The following SLC6A11 variants were observed in gnomAD, a reference collection of about 807,000 sequenced individuals.
SLC6A11 encodes solute carrier family 6 member 11.
Under a neutral mutation model 74.8 loss-of-function variants are expected in SLC6A11, and 25 were observed. That is an observed-to-expected ratio of 0.33 (90% confidence interval 0.24 to 0.47). The LOEUF (loss-of-function observed/expected upper bound fraction) is 0.47. Ranked by LOEUF, SLC6A11 falls within the 20% of genes least tolerant of loss-of-function variation. SLC6A11 has a pLI of 1.00. For missense variants in SLC6A11, 574 were observed against 837.0 expected, an observed-to-expected ratio of 0.69 and a Z score of 3.88; for synonymous variants, 330 against 330.2, an observed-to-expected ratio of 1.00 and a Z score of 0.01.
At chr3:10,819,650 T>C (rs1239504104) in intron 2 of SLC6A11, 51 bp downstream of exon 2, 1 of 1,610,218 alleles carries the variant, frequency 6.2e-7, no homozygotes, top group Non-Finnish European at 8.5e-7. Context: ...GAATGTCAAC[T>C]GCAAAGGCAG....
Position 10,931,129 on chromosome 3 carries a change from C to T in SLC6A11, c.1371+1790C>T, listed in dbSNP as rs146460325. 1.4e-4 allele frequency among the ~76,000 whole-genome samples: 21 copies of T among 152,350 alleles called. No individual in the cohort carries two copies. In the East Asian group the frequency reaches 4.1e-3, roughly 29 times the overall value. ...TGAGTGGTTGAGAGCATGGGCTTTG[C>T]AGACAGATGACCTGGGTTCAATCCT... On this transcript the variant is annotated intron_variant, in intron 10 of 13. Coordinates refer to ENST00000254488, the MANE Select transcript of SLC6A11 (RefSeq NM_014229.3).
intron 5 of SLC6A11, among the ~76,000 whole-genome samples, chr3:10,857,342 A>C (rs1320940269): frequency 6.6e-6 from 1 of 152,158 alleles, no homozygotes; most frequent in Non-Finnish European, 1.5e-5. Context: ...GCCAGACTTC[A>C]GAGTAGGGGA....
At chr3:10,925,406 T>G (rs1052802261) in intron 8 of SLC6A11, among the ~76,000 whole-genome samples, 13 of 152,238 alleles carry the variant, frequency 8.5e-5, no homozygotes, top group African/African-American at 3.1e-4. Flanking sequence ...TGTTGACCAC[T>G]GTGCCACAGG....
chr3:10,864,180 T>C (rs1559563848), intron 5 of SLC6A11, among the ~76,000 whole-genome samples: 2 of 151,972 alleles, frequency 1.3e-5, no homozygotes, highest in Admixed American at 6.5e-5. Context: ...TCTTGGACTC[T>C]CAGGACTGGA....
At position 10,935,226 on chromosome 3, in the gene SLC6A11, C is replaced by T. The variant is rs561576189; in HGVS notation, c.1746+27C>T. On this transcript the variant is annotated intron_variant, in intron 13 of 13. Transcript: ENST00000254488. ...TGAGACCGCCCCAGGAGGGCTGGTG[C>T]GTTTGGGCAGGGTTCGCGCCTTGGG... is the stretch of plus-strand genomic sequence containing the variant. The T allele has an allele frequency of 8.0e-5, 129 of 1,610,230 alleles. No individual in the cohort carries two copies. The South Asian group carries it at 1.3e-3, about 16-fold the overall frequency.
chr3:10,890,232 T>G (rs1434097575), intron 6 of SLC6A11, among the ~76,000 whole-genome samples: 1 of 152,158 alleles, frequency 6.6e-6, no homozygotes, highest in Non-Finnish European at 1.5e-5. Context: ...AACTGGAGCT[T>G]CAATTGTGCC....
At chr3:10,910,014 C>G (rs1299311759) in intron 6 of SLC6A11, among the ~76,000 whole-genome samples, 2 of 152,150 alleles carry the variant, frequency 1.3e-5, no homozygotes, top group Non-Finnish European at 2.9e-5. Flanking sequence ...TTGTTCTTGT[C>G]TTTCCTCTTT....
intron 1 of SLC6A11, among the ~76,000 whole-genome samples, chr3:10,817,571 C>T (rs919642415): frequency 1.3e-5 from 2 of 152,182 alleles, no homozygotes; most frequent in Non-Finnish European, 1.5e-5. Context: ...CTTCTCTTTG[C>T]TGTGCCCCTG....
rs1695805420 is a variant in SLC6A11 at position 10,939,915 on chromosome 3, G to C, written c.*1513G>C. On this transcript the variant is annotated 3_prime_UTR_variant, in exon 14 of 14. Coordinates refer to ENST00000254488, the MANE Select transcript of SLC6A11 (RefSeq NM_014229.3). ...TTGGTTTCTGAGCTATATGAGGGTG[G>C]GGAAGGCACACTCTTTTTTCCTTTT... 2.0e-5 allele frequency: 3 copies of C among 151,894 alleles called. No individual in the cohort carries two copies. The highest frequency in any genetic ancestry group is 1.3e-4 in the Admixed American group (2 of 15,250). 9.4% of individuals were successfully genotyped at this position (151,894 alleles called of 1,614,324 possible). A position where few individuals can be genotyped will look rare whatever the true frequency, so the allele number is the denominator to read the frequency against.
intron 5 of SLC6A11, among the ~76,000 whole-genome samples, chr3:10,851,952 G>A (rs1468818049): frequency 6.6e-6 from 1 of 152,206 alleles, no homozygotes; most frequent in Non-Finnish European, 1.5e-5. Flanking sequence ...CCAGCGGGGA[G>A]AGCCATCAGG....
intron 5 of SLC6A11, among the ~76,000 whole-genome samples, chr3:10,866,319 T>G (rs1422511955): frequency 6.6e-6 from 1 of 152,218 alleles, no homozygotes. Context: ...CACGCCCACC[T>G]ACAGAGGAAG....
At chr3:10,913,729 A>T (rs1393552917) in intron 7 of SLC6A11, among the ~76,000 whole-genome samples, 1 of 152,178 alleles carries the variant, frequency 6.6e-6, no homozygotes, top group African/African-American at 2.4e-5. Context: ...AGTCTCGCTC[A>T]GTCACCCAGG....
At chr3:10,845,635 C>T (rs558887155) in intron 5 of SLC6A11, among the ~76,000 whole-genome samples, 2 of 152,164 alleles carry the variant, frequency 1.3e-5, no homozygotes, top group Non-Finnish European at 2.9e-5. Flanking sequence ...TTGAGGTGGG[C>T]GGATCTGCAG....
At chr3:10,823,577 C>T (rs894207073) in intron 4 of SLC6A11, 185 bp downstream of exon 4, 6 of 560,600 alleles carry the variant, frequency 1.1e-5, no homozygotes, top group Non-Finnish European at 1.9e-5. Flanking sequence ...CCCAAAGGGG[C>T]AGCTGAGAGA....
chr3:10,887,536 C>G lies in SLC6A11; in HGVS notation c.891+12441C>G, dbSNP rs186379468. 1.3e-3 allele frequency among the ~76,000 whole-genome samples: 193 copies of G among 152,222 alleles called. 1 individual carries two copies. Among genetic ancestry groups the G allele is most frequent in the Non-Finnish European group, 1.0e-3 (69 of 68,022 alleles). On this transcript the variant is annotated intron_variant, in intron 6 of 13. Coordinates refer to ENST00000254488, the MANE Select transcript of SLC6A11 (RefSeq NM_014229.3). ...TCTCGGCTCACTGCAACCTCTGTCT[C>G]CCGGGTTCAAGTGATTCTCCTGCCT... is the stretch of plus-strand genomic sequence containing the variant.
At chr3:10,830,292 T>A (rs1365017827) in intron 4 of SLC6A11, among the ~76,000 whole-genome samples, 1 of 152,146 alleles carries the variant, frequency 6.6e-6, no homozygotes, top group Admixed American at 6.5e-5. Context: ...CACAGAGACC[T>A]GAAGTTGTGT....
intron 6 of SLC6A11, among the ~76,000 whole-genome samples, chr3:10,899,218 G>A (rs1361612856): frequency 5.9e-5 from 9 of 152,120 alleles, no homozygotes; most frequent in East Asian, 1.9e-4. Flanking sequence ...CTGCATCTCC[G>A]ACTGTGCTTG....
chr3:10,892,484 A>G (rs1171908731), intron 6 of SLC6A11, among the ~76,000 whole-genome samples: 1 of 151,654 alleles, frequency 6.6e-6, no homozygotes, highest in African/African-American at 2.4e-5. Flanking sequence ...CAGCTCCACC[A>G]CCGACCTTGA....
rs546189443 is a variant in SLC6A11, at chr3:10,875,222, C to A, written c.891+127C>A. ...AGTGGAAAGCCTGTGGACTCTTTCC[C>A]AGAATAATTTTAAATGCATAAATTT... On this transcript the variant is annotated intron_variant, in intron 6 of 13. Transcript: ENST00000254488. The A allele has an allele frequency of 1.0e-5, 7 of 698,282 alleles. No homozygotes were observed. In the South Asian group the frequency reaches 2.9e-4, roughly 29 times the overall value. The allele number at this position is 698,282 out of a possible 1,614,324, so 43.3% of individuals were successfully genotyped here.
Sources: gnomAD v4.1 joint callset for allele counts (sites outside exome capture counted in the v4.1 genomes callset) on GRCh38, gnomAD v4.1.1 for gene constraint, MANE v1.5 for transcripts, NCBI Gene and HGNC (gene_info 2026-07-23, HGNC 2026-07-21) for gene names.